Variants in ZFX observed in about 807,000 individuals in gnomAD.
The protein encoded by ZFX is zinc finger X-chromosomal protein.
For missense variants in ZFX, 362 were observed against 628.3 expected, an observed-to-expected ratio of 0.58 and a Z score of 4.53; for synonymous variants, 196 against 226.8, an observed-to-expected ratio of 0.86 and a Z score of 1.22.
chrX:24,184,856 C>T (rs1038602717), intron 5 of ZFX, among the ~76,000 whole-genome samples: 4 of 112,046 alleles, frequency 3.6e-5, no homozygotes, highest in African/African-American at 1.3e-4. Flanking sequence ...TGAGCATTTG[C>T]GTGCACACAT....
chrX:24,205,666 C>G (rs1601967729), intron 5 of ZFX, among the ~76,000 whole-genome samples: 1 of 111,263 alleles, frequency 9.0e-6, no homozygotes, highest in Non-Finnish European at 1.9e-5. Flanking sequence ...ACCAGCCTGA[C>G]CAACATGGCG....
intron 5 of ZFX, among the ~76,000 whole-genome samples, chrX:24,197,384 C>T (rs1362899413): frequency 9.0e-5 from 10 of 111,049 alleles, no homozygotes; most frequent in Non-Finnish European, 1.9e-5. Context: ...CAGAAAGAAG[C>T]TGAAGAGAAA....
Position 24,179,459 on chromosome X carries a change from C to G in ZFX, c.335C>G (p.Thr112Arg). Residue 112 changes from threonine to arginine, a missense_variant, in exon 5 of 10, where the codon ACA (threonine) becomes AGA (arginine). By Grantham distance (71) the Thr-to-Arg change is moderately conservative. Coordinates refer to ENST00000304543, the MANE Select transcript of ZFX (RefSeq NM_003410.4). ...VTEEVSLAHC[T>R]VPDDVLASDI... ...GAAGAAGTTTCTTTAGCACATTGCA[C>G]AGTCCCAGATGATGTTTTAGCTTCT... 1 of 1,212,285 alleles carries G rather than the reference C, an allele frequency of 8.2e-7. No individual in the cohort carries two copies. Among genetic ancestry groups the G allele is most frequent in the African/African-American group, 1.7e-5 (1 of 57,919 alleles).
At position 24,166,847 on chromosome X, in the gene ZFX, TC is replaced by T. The variant is rs1303487287; in HGVS notation, c.-28-5867del. Among the ~76,000 whole-genome samples the T allele has an allele frequency of 3.6e-5, 4 of 111,893 alleles. No individual in the cohort carries two copies. The Admixed American group carries it at 3.8e-4, about 11-fold the overall frequency. On this transcript the variant is annotated intron_variant, in intron 3 of 9. Transcript: ENST00000304543. The stretch of plus-strand genomic sequence containing the variant: ...TTTGGTTGAATAAAGCAATTGGAAA[TC>T]AATTAATGTCAAAACCCAAGAGAGC...
rs1938025928 is a variant in ZFX at position 24,210,791 on chromosome X, T to A, written c.1833T>A (p.Leu611=). 2.5e-6 allele frequency: 3 copies of A among 1,211,941 alleles called. No homozygotes were observed. The highest frequency in any genetic ancestry group is 3.3e-6 in the Non-Finnish European group (3 of 895,576). Residue 611 remains leucine, a synonymous_variant, in exon 10 of 10, where the codon CTT becomes CTA. Coordinates refer to ENST00000304543, the MANE Select transcript of ZFX (RefSeq NM_003410.4). ...TGCCATTCAAGTGTGACATTTGTCT[T>A]CTGACTTTCTCGGATACCAAAGAGG... is the stretch of plus-strand genomic sequence containing the variant. ...KEMPFKCDIC[L]LTFSDTKEVQ...
chrX:24,176,100 C>T (rs1239883102), intron 4 of ZFX, among the ~76,000 whole-genome samples: 5 of 100,680 alleles, frequency 5.0e-5, no homozygotes, highest in Admixed American at 1.1e-4. Flanking sequence ...AGTGCAATGG[C>T]GCGATCTTTG....
At chrX:24,171,237 G>T (rs1345040552) in intron 3 of ZFX, among the ~76,000 whole-genome samples, 1 of 111,570 alleles carries the variant, frequency 9.0e-6, no homozygotes, top group Non-Finnish European at 1.9e-5. Context: ...TGTGGGGAAG[G>T]AGATTTAGAG....
chrX:24,206,502 T>C (rs1381784150), intron 5 of ZFX, among the ~76,000 whole-genome samples: 33 of 10,398 alleles, frequency 3.2e-3, no homozygotes, highest in Middle Eastern at 0.048. Flanking sequence ...ATGCCTGGCG[T>C]GTGTGTGTGT....
At chrX:24,162,280 G>A (rs1407957056) in intron 3 of ZFX, among the ~76,000 whole-genome samples, 1 of 111,122 alleles carries the variant, frequency 9.0e-6, no homozygotes, top group Non-Finnish European at 1.9e-5. Flanking sequence ...CTTATCAGTG[G>A]GATTTTTTCA....
intron 5 of ZFX, among the ~76,000 whole-genome samples, chrX:24,183,880 G>A (rs1361291507): frequency 1.8e-5 from 2 of 108,854 alleles, no homozygotes; most frequent in Non-Finnish European, 1.9e-5. Context: ...TCAGCCTCCC[G>A]AGTAGCTGCG....
chrX:24,179,877 C>G, intron 5 of ZFX, 107 bp downstream of exon 5: 1 of 699,156 alleles, frequency 1.4e-6, no homozygotes, highest in Non-Finnish European at 2.1e-6. Flanking sequence ...AAAAGTAAAT[C>G]TCATAGACCT....
chrX:24,203,337 T>A (rs1355110741), intron 5 of ZFX, among the ~76,000 whole-genome samples: 1 of 112,108 alleles, frequency 8.9e-6, no homozygotes, highest in Non-Finnish European at 1.9e-5. Flanking sequence ...TCTCATTGGA[T>A]CTACCTTTCC....
At chrX:24,150,054 C>T (rs1184273659) in intron 1 of ZFX, 5 of 101,782 alleles carry the variant, frequency 4.9e-5, no homozygotes, top group Non-Finnish European at 6.0e-5. Context: ...CGAGGGGCCC[C>T]GGGTCGGCTC....
chrX:24,199,974 T>C (rs1303973685), intron 5 of ZFX, among the ~76,000 whole-genome samples: 2 of 110,207 alleles, frequency 1.8e-5, no homozygotes, highest in African/African-American at 6.6e-5. Context: ...ATGGCTTGTT[T>C]GTATCCTGAT....
chrX:24,196,841 C>G (rs1412100972), intron 5 of ZFX, among the ~76,000 whole-genome samples: 1 of 111,453 alleles, frequency 9.0e-6, no homozygotes, highest in Admixed American at 9.5e-5. Flanking sequence ...GTGATCCTCC[C>G]ACCTTGGCCT....
chrX:24,194,317 C>T (rs1391265265), intron 5 of ZFX, among the ~76,000 whole-genome samples: 1 of 111,729 alleles, frequency 9.0e-6, no homozygotes, highest in Non-Finnish European at 1.9e-5. Flanking sequence ...TGGAATAACA[C>T]GTTATTTCCT....
intron 5 of ZFX, among the ~76,000 whole-genome samples, chrX:24,205,713 G>A (rs1937547323): frequency 9.0e-6 from 1 of 111,255 alleles, no homozygotes; most frequent in African/African-American, 3.3e-5. Context: ...AATTAGCTGG[G>A]TGTGGTGGCG....
intron 3 of ZFX, among the ~76,000 whole-genome samples, chrX:24,170,933 G>A (rs768521661): frequency 8.9e-6 from 1 of 111,991 alleles, no homozygotes; most frequent in South Asian, 3.7e-4. Flanking sequence ...ATTTGAAACA[G>A]TTTGAATAAA....
intron 3 of ZFX, among the ~76,000 whole-genome samples, chrX:24,159,037 C>T (rs904925341): frequency 9.0e-6 from 1 of 111,200 alleles, no homozygotes; most frequent in Non-Finnish European, 1.9e-5. Context: ...GGGTCTTGCT[C>T]TGTCGCCCAG....
Sources: allele counts gnomAD v4.1 joint callset (sites outside exome capture counted in the v4.1 genomes callset), GRCh38; gene constraint gnomAD v4.1.1; transcripts MANE v1.5; gene names NCBI Gene and HGNC (gene_info 2026-07-23, HGNC 2026-07-21).